Variants in DNAAF9 observed in about 807,000 individuals in gnomAD.
The protein encoded by DNAAF9 is dynein axonemal assembly factor 9.
Under a neutral mutation model 167.0 loss-of-function variants are expected in DNAAF9, and 90 were observed. The observed-to-expected ratio is 0.54, with a 90% CI of 0.45 to 0.64. DNAAF9 has a LOEUF of 0.64. Among genes scored for constraint, DNAAF9 ranks in the 30% least tolerant of loss-of-function variants. The probability of loss-of-function intolerance (pLI) is 0.00; values close to 1 mark genes in which losing one functional copy is unlikely to be tolerated. For synonymous variants in DNAAF9, 491 were observed against 508.8 expected (o/e 0.96, Z 0.47); for missense variants, 1,315 against 1,442.2 (o/e 0.91, Z 1.43).
At chr20:3,305,521 G>T (rs117057540) in intron 20 of DNAAF9, among the ~76,000 whole-genome samples, 9,445 of 152,298 alleles carry the variant, frequency 0.062, 376 homozygotes, top group Non-Finnish European at 0.082. Flanking sequence ...TCCTTAAGTT[G>T]TAGCTCCAGA....
intron 29 of DNAAF9, among the ~76,000 whole-genome samples, chr20:3,272,991 G>A (rs142805805): frequency 5.7e-4 from 86 of 151,960 alleles, no homozygotes; most frequent in East Asian, 2.3e-3. Flanking sequence ...CCATCATGCC[G>A]GGCTAATTTT....
intron 29 of DNAAF9, among the ~76,000 whole-genome samples, chr20:3,274,474 G>A (rs1413897850): frequency 6.6e-6 from 1 of 152,100 alleles, no homozygotes; most frequent in African/African-American, 2.4e-5. Context: ...CTTCCTCTAT[G>A]GGAAAAGCTA....
chr20:3,295,042 T>G (rs2069042140), intron 23 of DNAAF9, among the ~76,000 whole-genome samples: 1 of 152,146 alleles, frequency 6.6e-6, no homozygotes, highest in African/African-American at 2.4e-5. Context: ...ATTTTGTGTT[T>G]GTATTTTTAG....
chr20:3,352,372 T>C (rs2070342065), intron 7 of DNAAF9, among the ~76,000 whole-genome samples: 2 of 152,160 alleles, frequency 1.3e-5, no homozygotes, highest in Admixed American at 1.3e-4. Context: ...GGGCAATCTT[T>C]CCACTTTGGC....
At chr20:3,256,525 A>G (rs1460906751) in intron 33 of DNAAF9, among the ~76,000 whole-genome samples, 1 of 152,126 alleles carries the variant, frequency 6.6e-6, no homozygotes, top group Non-Finnish European at 1.5e-5. Context: ...TTGTTTTTTA[A>G]AAAGGAAAAG....
chr20:3,266,349 G>A (rs1009781123), intron 30 of DNAAF9, among the ~76,000 whole-genome samples: 14 of 152,302 alleles, frequency 9.2e-5, no homozygotes, highest in African/African-American at 3.4e-4. Flanking sequence ...CACAGTACAG[G>A]ACTAGTAATA....
chr20:3,340,484 CAGGCAGT>C lies in DNAAF9; in HGVS notation c.981+13_981+19del. 9.0e-7 allele frequency: 1 copy of C among 1,106,618 alleles called. No homozygotes were observed. The allele number at this position is 1,106,618 out of a possible 1,614,324, so 68.5% of individuals were successfully genotyped here. ...CTTGATAATAAAACTAATCAAGCAC[CAGGCAGT>C]CCAGCCACTTACCATGTGCTTGGCA... On this transcript the variant is annotated intron_variant, in intron 10 of 36. Coordinates refer to ENST00000252032, the MANE Select transcript of DNAAF9 (RefSeq NM_001009984.3).
intron 26 of DNAAF9, 79 bp downstream of exon 26, chr20:3,290,050 A>C (rs1296581476): frequency 2.3e-6 from 2 of 861,026 alleles, no homozygotes; most frequent in African/African-American, 3.3e-5. Flanking sequence ...AGGCCAGTAC[A>C]TGTCTAAGGT....
chr20:3,339,084 T>C (rs971385922), intron 10 of DNAAF9, among the ~76,000 whole-genome samples: 1 of 152,204 alleles, frequency 6.6e-6, no homozygotes, highest in Admixed American at 6.5e-5. Context: ...GATAAGCCCA[T>C]TAAAGGTATG....
intron 1 of DNAAF9, among the ~76,000 whole-genome samples, chr20:3,397,015 G>A (rs1410296919): frequency 6.6e-6 from 1 of 152,216 alleles, no homozygotes; most frequent in East Asian, 1.9e-4. Context: ...GGGAGGTCAA[G>A]GCAGGCAGAC....
rs1003486208 is a variant in DNAAF9, at chr20:3,365,312, A to G, written c.613-5719T>C. 6.6e-5 allele frequency among the ~76,000 whole-genome samples: 10 copies of G among 152,158 alleles called. No homozygotes were observed. The East Asian group carries it at 1.9e-3, about 29-fold the overall frequency. On this transcript the variant is annotated intron_variant, in intron 6 of 36. Transcript: ENST00000252032. ...ATAAGACAACAATGAAGTTTGTCACATCAGCTGACTCTTCCTTTCACAAAA... is the reference window on the plus strand; with the variant it reads ...ATAAGACAACAATGAAGTTTGTCACGTCAGCTGACTCTTCCTTTCACAAAA...
intron 1 of DNAAF9, among the ~76,000 whole-genome samples, chr20:3,390,489 C>T (rs2083812186): frequency 6.6e-6 from 1 of 151,984 alleles, no homozygotes; most frequent in African/African-American, 2.4e-5. Context: ...CCTCAGCCTC[C>T]CTGTAGCTGG....
At chr20:3,382,560 G>A (rs1354995787) in intron 1 of DNAAF9, 54 bp from the exon 2 acceptor site, 16 of 1,374,136 alleles carry the variant, frequency 1.2e-5, no homozygotes, top group Non-Finnish European at 3.1e-6. Flanking sequence ...CCCATGAGAA[G>A]AGCAGCATCC....
At chr20:3,290,982 T>C (rs949305589) in intron 25 of DNAAF9, among the ~76,000 whole-genome samples, 4 of 152,018 alleles carry the variant, frequency 2.6e-5, no homozygotes, top group Admixed American at 1.3e-4. Flanking sequence ...AGACACGGGG[T>C]TTCACCATGT....
intron 3 of DNAAF9, 34 bp from the exon 4 acceptor site, chr20:3,376,336 T>A (rs776745951): frequency 6.5e-7 from 1 of 1,540,184 alleles, no homozygotes; most frequent in Admixed American, 1.9e-5. Context: ...CACAAGACTG[T>A]CAAACACATT....
At chr20:3,287,057 G>A (rs962619373) in intron 27 of DNAAF9, among the ~76,000 whole-genome samples, 3 of 152,142 alleles carry the variant, frequency 2.0e-5, no homozygotes, top group Admixed American at 1.3e-4. Context: ...TGTCAAACCT[G>A]CCCTCCCGTG....
intron 31 of DNAAF9, among the ~76,000 whole-genome samples, chr20:3,262,795 C>G (rs895604604): frequency 6.6e-6 from 1 of 152,092 alleles, no homozygotes; most frequent in East Asian, 1.9e-4. Context: ...TTATTTTTAG[C>G]TAAGATATCA....
chr20:3,322,763 T>C (rs2069639619), intron 14 of DNAAF9, 67 bp from the exon 15 acceptor site: 2 of 1,159,874 alleles, frequency 1.7e-6, no homozygotes, highest in South Asian at 2.4e-5. Context: ...CTGTGCAGGG[T>C]ACCTGCTTGG....
At chr20:3,308,649 C>T (rs965459708) in intron 20 of DNAAF9, among the ~76,000 whole-genome samples, 1 of 151,524 alleles carries the variant, frequency 6.6e-6, no homozygotes, top group African/African-American at 2.4e-5. Context: ...AGACCAAAAC[C>T]TTCATTTTTA....
Sources: allele counts gnomAD v4.1 joint callset (sites outside exome capture counted in the v4.1 genomes callset), GRCh38; gene constraint gnomAD v4.1.1; transcripts MANE v1.5; gene names NCBI Gene and HGNC (gene_info 2026-07-23, HGNC 2026-07-21).